DCLK1: variants seen among roughly 807,000 people sequenced by gnomAD.
DCLK1 encodes the protein doublecortin like kinase 1.
In DCLK1, 16 loss-of-function variants were observed where a neutral mutation model predicts 86.2. The observed-to-expected ratio is 0.19, with a 90% CI of 0.13 to 0.28. The LOEUF (loss-of-function observed/expected upper bound fraction) is 0.28, where lower values mean the gene tolerates loss of function less well. Ranked by LOEUF, DCLK1 falls within the 10% of genes least tolerant of loss-of-function variation. The probability of loss-of-function intolerance (pLI) is 1.00; values close to 1 mark genes in which losing one functional copy is unlikely to be tolerated. For synonymous variants in DCLK1, 369 were observed against 370.5 expected (o/e 1.00, Z 0.05); for missense variants, 590 against 940.2 (o/e 0.63, Z 4.87).
chr13:36,060,237 G>A (rs1046313723), intron 3 of DCLK1, among the ~76,000 whole-genome samples: 4 of 152,114 alleles, frequency 2.6e-5, no homozygotes, highest in Admixed American at 6.5e-5. Context: ...ATGAACATGT[G>A]TTTTTGGTCT....
chr13:35,992,005 A>G (rs974025223), intron 3 of DCLK1, among the ~76,000 whole-genome samples: 1 of 152,200 alleles, frequency 6.6e-6, no homozygotes, highest in Non-Finnish European at 1.5e-5. Context: ...AATTATAAAA[A>G]TTATGTTTTA....
intron 16 of DCLK1, among the ~76,000 whole-genome samples, chr13:35,777,308 T>C (rs1240124329): frequency 6.6e-6 from 1 of 152,244 alleles, no homozygotes; most frequent in Non-Finnish European, 1.5e-5. Context: ...AAAGCATTTT[T>C]GTCCAATGTT....
intron 3 of DCLK1, among the ~76,000 whole-genome samples, chr13:36,062,852 A>G (rs369419109): frequency 1.3e-5 from 2 of 152,344 alleles, no homozygotes; most frequent in South Asian, 4.1e-4. Flanking sequence ...CCAACTTGAC[A>G]ATATGTTCAG....
chr13:36,108,898 G>T (rs1217453044), intron 3 of DCLK1, among the ~76,000 whole-genome samples: 4 of 152,176 alleles, frequency 2.6e-5, no homozygotes, highest in Non-Finnish European at 5.9e-5. Context: ...TGGTAGCAGT[G>T]CAGGTGCCAC....
chr13:35,955,755 G>A (rs144597129), intron 3 of DCLK1, among the ~76,000 whole-genome samples: 22 of 152,220 alleles, frequency 1.4e-4, no homozygotes, highest in African/African-American at 4.8e-4. Flanking sequence ...ATGCAGGTTC[G>A]ATGAGATAAT....
intron 3 of DCLK1, among the ~76,000 whole-genome samples, chr13:36,069,208 T>C (rs1050574318): frequency 6.6e-6 from 1 of 152,012 alleles, no homozygotes; most frequent in African/African-American, 2.4e-5. Flanking sequence ...AAAATAATGC[T>C]TGGAAAATAT....
rs543148471 is a variant in DCLK1, at chr13:35,961,359, G to A, written c.724-13902C>T. Among the ~76,000 whole-genome samples, 8 of 152,286 alleles carry A rather than the reference G, an allele frequency of 5.3e-5. No individual in the cohort carries two copies. In the South Asian group the frequency reaches 1.2e-3, roughly 24 times the overall value. ...TCTCAGAGTCAACTACCATGGAAGA[G>A]AGAGCAAAATAAATCAGTGGTTTCC... On this transcript the variant is annotated intron_variant, in intron 3 of 16. Coordinates refer to ENST00000360631, the MANE Select transcript of DCLK1 (RefSeq NM_001330071.2).
At chr13:35,971,368 G>A (rs1360249676) in intron 3 of DCLK1, among the ~76,000 whole-genome samples, 1 of 152,182 alleles carries the variant, frequency 6.6e-6, no homozygotes, top group African/African-American at 2.4e-5. Flanking sequence ...TCCCATTTTA[G>A]GTTGAAGGAC....
intron 16 of DCLK1, among the ~76,000 whole-genome samples, chr13:35,777,134 A>G (rs887354506): frequency 6.6e-6 from 1 of 152,228 alleles, no homozygotes; most frequent in Non-Finnish European, 1.5e-5. Context: ...CTTTGTAGAT[A>G]AGACCTCATG....
At position 36,126,150 on chromosome 13, in the gene DCLK1, G is replaced by C; in HGVS notation, c.-13C>G. Reference sequence around the variant, plus strand: ...TGCCGAAGGACATGATGGACTTCAAGTAGGACCTACGAGCCCCAGAAACAA... The same window carrying C: ...TGCCGAAGGACATGATGGACTTCAACTAGGACCTACGAGCCCCAGAAACAA... On this transcript the variant is annotated 5_prime_UTR_variant, in exon 2 of 17. Transcript: ENST00000360631. The C allele has an allele frequency of 1.3e-6, 2 of 1,566,736 alleles. No individual in the cohort carries two copies. The highest frequency in any genetic ancestry group is 1.7e-6 in the Non-Finnish European group (2 of 1,158,352).
At chr13:35,888,395 C>A (rs1873426317) in intron 4 of DCLK1, among the ~76,000 whole-genome samples, 2 of 152,068 alleles carry the variant, frequency 1.3e-5, no homozygotes, top group African/African-American at 4.8e-5. Flanking sequence ...ACATCTAAAC[C>A]CTCTTTTCTT....
At chr13:35,854,686 G>A (rs1870921465) in intron 5 of DCLK1, 93 bp from the exon 6 acceptor site, 2 of 1,124,620 alleles carry the variant, frequency 1.8e-6, no homozygotes, top group Admixed American at 5.5e-5. Context: ...CAATTATATA[G>A]AGAGCCATCT....
At chr13:35,779,724 CA>C (rs1341249100) in intron 16 of DCLK1, among the ~76,000 whole-genome samples, 1 of 152,174 alleles carries the variant, frequency 6.6e-6, no homozygotes, top group Non-Finnish European at 1.5e-5. Context: ...TGAATTCACT[CA>C]TCCTACAAGC....
intron 3 of DCLK1, among the ~76,000 whole-genome samples, chr13:35,996,697 C>A (rs1593802122): frequency 8.3e-6 from 1 of 119,986 alleles, no homozygotes; most frequent in South Asian, 2.6e-4. Flanking sequence ...TAAAACAAAT[C>A]TCTTTCCATA....
chr13:35,871,098 T>C, intron 5 of DCLK1, 126 bp downstream of exon 5: 1 of 749,320 alleles, frequency 1.3e-6, no homozygotes, highest in South Asian at 1.9e-5. Context: ...CGCTCTAAGA[T>C]GTTCTAAAAT....
chr13:35,799,509 C>T (rs1369225806), intron 15 of DCLK1, among the ~76,000 whole-genome samples: 1 of 152,140 alleles, frequency 6.6e-6, no homozygotes, highest in East Asian at 1.9e-4. Flanking sequence ...CCTCGGCCTC[C>T]CAAAGTGCTG....
intron 3 of DCLK1, among the ~76,000 whole-genome samples, chr13:35,958,210 C>T (rs1566620858): frequency 1.8e-3 from 243 of 134,968 alleles, no homozygotes; most frequent in African/African-American, 6.1e-3. Flanking sequence ...ACCATTATAA[C>T]CATCACCACC....
chr13:35,959,897 C>CTG (rs2153137053), intron 3 of DCLK1, among the ~76,000 whole-genome samples: 1 of 141,602 alleles, frequency 7.1e-6, no homozygotes, highest in Admixed American at 7.1e-5. Context: ...GTGTGTGCAC[C>CTG]TGTGTGTGCA....
intron 6 of DCLK1, chr13:35,847,245 G>A (rs1870249238): frequency 1.0e-6 from 1 of 984,988 alleles, no homozygotes; most frequent in African/African-American, 1.7e-5. Flanking sequence ...TGAACCATTT[G>A]CCATACCAGT....
Sources: allele counts gnomAD v4.1 joint callset (sites outside exome capture counted in the v4.1 genomes callset), GRCh38; gene constraint gnomAD v4.1.1; transcripts MANE v1.5; gene names NCBI Gene and HGNC (gene_info 2026-07-23, HGNC 2026-07-21).